Variants in ABTB2 observed in about 807,000 individuals in gnomAD.
ABTB2 encodes the protein ankyrin repeat and BTB/POZ domain-containing protein 2.
Under a neutral mutation model 104.1 loss-of-function variants are expected in ABTB2, and 56 were observed. The ratio of observed to expected loss-of-function variants is 0.54; its 90% CI spans 0.43 to 0.67. ABTB2 has a LOEUF of 0.67. Among genes scored for constraint, ABTB2 ranks in the 30% least tolerant of loss-of-function variants. ABTB2 has a pLI of 0.00. For missense variants in ABTB2, 1,279 were observed against 1,407.7 expected (o/e 0.91, Z 1.46); for synonymous variants, 606 against 608.2 (o/e 1.00, Z 0.05).
intron 1 of ABTB2, among the ~76,000 whole-genome samples, chr11:34,223,193 G>C (rs1044924263): frequency 1.3e-5 from 2 of 152,268 alleles, no homozygotes; most frequent in Non-Finnish European, 2.9e-5. Flanking sequence ...CACAGCCGAG[G>C]ACCGAGTGGA....
intron 1 of ABTB2, among the ~76,000 whole-genome samples, chr11:34,269,594 T>C (rs1237135479): frequency 1.3e-5 from 2 of 152,200 alleles, no homozygotes; most frequent in Admixed American, 6.5e-5. Context: ...CACAGACAAC[T>C]TGCAACCAAA....
intron 1 of ABTB2, among the ~76,000 whole-genome samples, chr11:34,285,985 A>G (rs539902048): frequency 1.3e-5 from 2 of 152,272 alleles, no homozygotes; most frequent in Admixed American, 1.3e-4. Flanking sequence ...ATGACCCAAT[A>G]CTATAGTTGG....
Position 34,167,843 on chromosome 11 carries a change from G to A in ABTB2, c.1653+60C>T, listed in dbSNP as rs1590204819. 16 of 1,547,808 alleles carry A rather than the reference G, an allele frequency of 1.0e-5. No homozygotes were observed. In the East Asian group the frequency reaches 3.4e-4, roughly 33 times the overall value. ...CATCACGCCCAGCGTGTTTGTTGGAGCCCTCGGAGTGATCCCTGCTGGCCT... is the reference window on the plus strand; with the variant it reads ...CATCACGCCCAGCGTGTTTGTTGGAACCCTCGGAGTGATCCCTGCTGGCCT... On this transcript the variant is annotated intron_variant, in intron 6 of 16. Transcript: ENST00000435224.
chr11:34,303,509 C>T (rs915416408), intron 1 of ABTB2, among the ~76,000 whole-genome samples: 1 of 152,048 alleles, frequency 6.6e-6, no homozygotes, highest in Non-Finnish European at 1.5e-5. Context: ...TCTTTAACTG[C>T]CAATTCTAAT....
At chr11:34,197,298 G>C (rs756227270) in intron 3 of ABTB2, 27 bp downstream of exon 3, 2 of 1,609,600 alleles carry the variant, frequency 1.2e-6, no homozygotes, top group African/African-American at 1.3e-5. Context: ...CGTCCCACCA[G>C]GTGCTCAGCC....
intron 8 of ABTB2, 105 bp downstream of exon 8, chr11:34,165,155 T>G: frequency 9.4e-7 from 1 of 1,064,542 alleles, no homozygotes; most frequent in Non-Finnish European, 1.3e-6. Context: ...CTGCATGGGG[T>G]CCGTGTGTGC....
chr11:34,197,180 C>T lies in ABTB2; in HGVS notation c.1244+145G>A, dbSNP rs186996444. The stretch of plus-strand genomic sequence containing the variant: ...GTGCAGGCCTTCATCCATCGGAATT[C>T]CTGGGCCACCTCCTCACAGGCATAG... On this transcript the variant is annotated intron_variant, in intron 3 of 16. Transcript: ENST00000435224. 4 of 903,498 alleles carry T rather than the reference C, an allele frequency of 4.4e-6. No homozygotes were observed. In the African/African-American group the frequency reaches 6.6e-5, roughly 15 times the overall value. 56.0% of individuals were successfully genotyped at this position (903,498 alleles called of 1,614,324 possible). A position where few individuals can be genotyped will look rare whatever the true frequency, so the allele number is the denominator to read the frequency against.
intron 3 of ABTB2, among the ~76,000 whole-genome samples, chr11:34,185,783 C>G (rs1345707372): frequency 1.3e-5 from 2 of 152,072 alleles, no homozygotes; most frequent in Non-Finnish European, 2.9e-5. Context: ...TAGTTAATAA[C>G]AATGTATTAT....
intron 10 of ABTB2, among the ~76,000 whole-genome samples, chr11:34,162,210 G>T (rs2133006939): frequency 6.6e-6 from 1 of 152,350 alleles, no homozygotes; most frequent in Admixed American, 6.5e-5. Flanking sequence ...CGAGTGACAG[G>T]ACTGCCGCCT....
chr11:34,192,721 ACTC>A (rs1305263368), intron 3 of ABTB2, among the ~76,000 whole-genome samples: 1 of 151,908 alleles, frequency 6.6e-6, no homozygotes, highest in Non-Finnish European at 1.5e-5. Context: ...CTGCCTGGCC[ACTC>A]CTCAAGGGTC....
intron 12 of ABTB2, 73 bp downstream of exon 12, chr11:34,160,175 A>G: frequency 3.5e-6 from 5 of 1,410,662 alleles, no homozygotes; most frequent in Non-Finnish European, 4.0e-6. Context: ...AAGATGACAA[A>G]GTGGGGAGGA....
chr11:34,272,503 T>G (rs2755163), intron 1 of ABTB2, among the ~76,000 whole-genome samples: 2 of 151,436 alleles, frequency 1.3e-5, no homozygotes, highest in Non-Finnish European at 2.9e-5. Flanking sequence ...GTCAGGAGAT[T>G]GAGACCATCC....
intron 1 of ABTB2, among the ~76,000 whole-genome samples, chr11:34,240,902 C>T (rs1477600985): frequency 1.3e-5 from 2 of 152,132 alleles, no homozygotes; most frequent in African/African-American, 4.8e-5. Context: ...GCCTTCCCCC[C>T]TTTTTAGGTT....
At chr11:34,354,911 C>T (rs1339333199) in intron 1 of ABTB2, among the ~76,000 whole-genome samples, 1 of 146,762 alleles carries the variant, frequency 6.8e-6, no homozygotes, top group East Asian at 2.3e-4. Context: ...CAATTATGAC[C>T]ACTGGAGATG....
chr11:34,247,697 A>G (rs911468181), intron 1 of ABTB2, among the ~76,000 whole-genome samples: 1 of 152,264 alleles, frequency 6.6e-6, no homozygotes, highest in African/African-American at 2.4e-5. Flanking sequence ...AAGAAATCTT[A>G]GCAAACCAAT....
chr11:34,160,526 C>T (rs564798541), intron 11 of ABTB2, among the ~76,000 whole-genome samples, 173 bp from the exon 12 acceptor site: 11 of 152,020 alleles, frequency 7.2e-5, no homozygotes, highest in East Asian at 1.9e-4. Context: ...CAGTGATTCC[C>T]GAAATGGCTT....
chr11:34,219,243 T>A (rs1165900758), intron 1 of ABTB2, among the ~76,000 whole-genome samples: 1 of 152,152 alleles, frequency 6.6e-6, no homozygotes, highest in Non-Finnish European at 1.5e-5. Context: ...CCCATAAAGT[T>A]ATAATGGAGC....
At chr11:34,316,479 A>G (rs1854931927) in intron 1 of ABTB2, among the ~76,000 whole-genome samples, 1 of 152,126 alleles carries the variant, frequency 6.6e-6, no homozygotes, top group Non-Finnish European at 1.5e-5. Context: ...GAGGTAAAAG[A>G]TACTCACTGG....
intron 5 of ABTB2, among the ~76,000 whole-genome samples, chr11:34,169,260 A>G (rs1379499997): frequency 2.6e-5 from 4 of 152,160 alleles, no homozygotes; most frequent in Admixed American, 6.5e-5. Flanking sequence ...CCCTGTCCCC[A>G]CGCACTCCAG....
Sources: gnomAD v4.1 joint callset for allele counts (sites outside exome capture counted in the v4.1 genomes callset) on GRCh38, gnomAD v4.1.1 for gene constraint, MANE v1.5 for transcripts, NCBI Gene and HGNC (gene_info 2026-07-23, HGNC 2026-07-21) for gene names.